The following DNAJC1 variants were observed in gnomAD, a reference collection of about 807,000 sequenced individuals.
DNAJC1 encodes the protein DnaJ heat shock protein family (Hsp40) member C1.
In DNAJC1, 58 loss-of-function variants were observed where a neutral mutation model predicts 76.6. The observed-to-expected ratio is 0.76, with a 90% CI of 0.61 to 0.94. DNAJC1 has a LOEUF of 0.94. DNAJC1 is among the 40% of genes least tolerant of loss of function. The probability of loss-of-function intolerance (pLI) is 0.00; values close to 1 mark genes in which losing one functional copy is unlikely to be tolerated. For synonymous variants in DNAJC1, 258 were observed against 267.9 expected, an observed-to-expected ratio of 0.96 and a Z score of 0.36; for missense variants, 689 against 677.3, an observed-to-expected ratio of 1.02 and a Z score of -0.19.
intron 8 of DNAJC1, among the ~76,000 whole-genome samples, chr10:21,806,578 A>C (rs937514610): frequency 5.3e-5 from 8 of 152,152 alleles, no homozygotes; most frequent in African/African-American, 1.9e-4. Flanking sequence ...TATAAATGAA[A>C]TGTGAACAAG....
intron 1 of DNAJC1, among the ~76,000 whole-genome samples, chr10:21,954,667 T>C (rs1419348877): frequency 6.6e-6 from 1 of 152,220 alleles, no homozygotes; most frequent in Non-Finnish European, 1.5e-5. Flanking sequence ...TGTTATATAA[T>C]TGGTTAGATT....
rs112796062 is a variant in DNAJC1 at position 21,766,928 on chromosome 10, C to T, written c.1099-619G>A. ...GAGGTTGCAGTAAGCTGACATTGCA[C>T]CACTGCACTCCAGCCTGGGCATCGG... On this transcript the variant is annotated intron_variant, in intron 9 of 11. Coordinates refer to ENST00000376980, the MANE Select transcript of DNAJC1 (RefSeq NM_022365.4). 1.9e-3 allele frequency among the ~76,000 whole-genome samples: 283 copies of T among 149,546 alleles called. 1 individual carries two copies. The highest frequency in any genetic ancestry group is 6.6e-3 in the African/African-American group (266 of 40,470).
At chr10:21,951,608 TCA>T (rs1233878874) in intron 1 of DNAJC1, among the ~76,000 whole-genome samples, 4 of 151,690 alleles carry the variant, frequency 2.6e-5, no homozygotes, top group South Asian at 4.1e-4. Context: ...ATGGAAAATA[TCA>T]GTTTCCCTTT....
intron 6 of DNAJC1, among the ~76,000 whole-genome samples, chr10:21,912,308 A>T (rs73594518): frequency 0.013 from 2,054 of 152,178 alleles, 50 homozygotes; most frequent in African/African-American, 0.046. Flanking sequence ...TTCATCTATA[A>T]AATATGGAAT....
rs746459670 is a variant in DNAJC1, at chr10:21,756,657, A to G, written c.*30T>C. ...GATTTTTAAGATATTCATTTTGGAA[A>G]ATGAAGGTGAACATCATCTCCCAGA... On this transcript the variant is annotated 3_prime_UTR_variant, in exon 12 of 12. Coordinates refer to ENST00000376980, the MANE Select transcript of DNAJC1 (RefSeq NM_022365.4). 12 of 1,547,900 alleles carry G rather than the reference A, an allele frequency of 7.8e-6. No homozygotes were observed. In the Admixed American group the frequency reaches 2.0e-4, roughly 26 times the overall value.
chr10:21,872,226 A>G (rs967367198), intron 8 of DNAJC1, among the ~76,000 whole-genome samples: 1 of 151,556 alleles, frequency 6.6e-6, no homozygotes, highest in Admixed American at 6.6e-5. Flanking sequence ...GGTGCCCACC[A>G]CCACACCCGG....
In DNAJC1 at chr10:21,825,222, C is replaced by A. The variant is rs545298251; in HGVS notation, c.979-19123G>T. On this transcript the variant is annotated intron_variant, in intron 8 of 11. Transcript: ENST00000376980. ...CTCTATACTTATTAAACAATAACCC[C>A]CTGTCTCTAGTCTCTGGAAAACACA... Among the ~76,000 whole-genome samples, 53 of 152,286 alleles carry A rather than the reference C, an allele frequency of 3.5e-4. 3 individuals carry two copies. The South Asian group carries it at 0.011, about 31-fold the overall frequency.
At chr10:21,870,869 C>T (rs779864109) in intron 8 of DNAJC1, among the ~76,000 whole-genome samples, 11 of 152,012 alleles carry the variant, frequency 7.2e-5, no homozygotes, top group South Asian at 2.1e-4. Context: ...AGTAACTTTA[C>T]GGCACATTAA....
At chr10:21,934,384 T>C (rs1008158387) in intron 1 of DNAJC1, among the ~76,000 whole-genome samples, 5 of 152,154 alleles carry the variant, frequency 3.3e-5, no homozygotes, top group Non-Finnish European at 5.9e-5. Flanking sequence ...GGTTAATTTA[T>C]TGTTGAAGAG....
At chr10:21,870,651 T>C (rs1321652956) in intron 8 of DNAJC1, among the ~76,000 whole-genome samples, 1 of 152,072 alleles carries the variant, frequency 6.6e-6, no homozygotes, top group Non-Finnish European at 1.5e-5. Context: ...GGCACATGCC[T>C]GTAGTCCCAG....
intron 8 of DNAJC1, among the ~76,000 whole-genome samples, chr10:21,826,871 T>C (rs1835266128): frequency 6.6e-6 from 1 of 152,188 alleles, no homozygotes. Flanking sequence ...TATCTGTCTG[T>C]ATGTCAGTAC....
In DNAJC1 at chr10:21,806,102, G is replaced by A. The variant is rs1221547660; in HGVS notation, c.979-3C>T. On this transcript the variant is annotated splice_region_variant and splice_polypyrimidine_tract_variant and intron_variant, in intron 8 of 11. Transcript: ENST00000376980. ...TCCTCTTCTGTCCATTCAGGTGCCT[G>A]CAAAACATTAAAGAAAATAAAAAAA... is the stretch of plus-strand genomic sequence containing the variant. The A allele has an allele frequency of 6.2e-7, 1 of 1,600,018 alleles. No homozygotes were observed. The highest frequency in any genetic ancestry group is 8.5e-7 in the Non-Finnish European group (1 of 1,173,304).
At chr10:21,773,081 C>T (rs1834408189) in intron 9 of DNAJC1, among the ~76,000 whole-genome samples, 1 of 152,162 alleles carries the variant, frequency 6.6e-6, no homozygotes, top group Non-Finnish European at 1.5e-5. Flanking sequence ...GACCCACCTC[C>T]GACACTGGGG....
chr10:21,811,952 C>T (rs1302648916), intron 8 of DNAJC1, among the ~76,000 whole-genome samples: 1 of 152,176 alleles, frequency 6.6e-6, no homozygotes, highest in African/African-American at 2.4e-5. Context: ...TGTTGTTCCA[C>T]ATCCTTACCA....
chr10:21,795,651 T>C (rs757598412), intron 9 of DNAJC1, among the ~76,000 whole-genome samples: 8 of 152,156 alleles, frequency 5.3e-5, no homozygotes, highest in Non-Finnish European at 1.0e-4. Context: ...TTTACTAAAA[T>C]AACATGAGAT....
At chr10:21,838,382 G>A (rs572136050) in intron 8 of DNAJC1, among the ~76,000 whole-genome samples, 14 of 152,190 alleles carry the variant, frequency 9.2e-5, no homozygotes, top group African/African-American at 2.6e-4. Context: ...ATGGATTAAG[G>A]GCGGTGCAAG....
chr10:21,882,478 AAAG>A, intron 7 of DNAJC1, 39 bp from the exon 8 acceptor site: 1 of 1,299,816 alleles, frequency 7.7e-7, no homozygotes. Context: ...TGAGATTTTT[AAAG>A]AATAAAATTA....
intron 8 of DNAJC1, among the ~76,000 whole-genome samples, chr10:21,813,052 CAT>C (rs1236584994): frequency 3.5e-4 from 40 of 112,700 alleles, no homozygotes; most frequent in East Asian, 1.2e-3. Context: ...CACACACACA[CAT>C]ATATATACAT....
chr10:21,927,128 G>A (rs45496395), intron 3 of DNAJC1, among the ~76,000 whole-genome samples: 2 of 152,068 alleles, frequency 1.3e-5, no homozygotes, highest in Admixed American at 6.5e-5. Flanking sequence ...CTTTCAACAC[G>A]CTTCTTGGAC....
Sources: allele counts gnomAD v4.1 joint callset (sites outside exome capture counted in the v4.1 genomes callset), GRCh38; gene constraint gnomAD v4.1.1; transcripts MANE v1.5; gene names NCBI Gene and HGNC (gene_info 2026-07-23, HGNC 2026-07-21).